RPS6KA5: variants seen among roughly 807,000 people sequenced by gnomAD.
The protein encoded by RPS6KA5 is ribosomal protein S6 kinase alpha-5.
RPS6KA5 carries 27 observed loss-of-function variants against 85.5 expected under a neutral mutation model. That is an observed-to-expected ratio of 0.32 (90% CI 0.23 to 0.44). RPS6KA5 has a LOEUF of 0.44. RPS6KA5 is among the 20% of genes least tolerant of loss of function. The probability of loss-of-function intolerance (pLI) is 1.00; values close to 1 mark genes in which losing one functional copy is unlikely to be tolerated. For missense variants in RPS6KA5, 811 were observed against 980.9 expected, an observed-to-expected ratio of 0.83 and a Z score of 2.31; for synonymous variants, 334 against 348.2, an observed-to-expected ratio of 0.96 and a Z score of 0.46.
intron 3 of RPS6KA5, among the ~76,000 whole-genome samples, chr14:90,965,498 C>G (rs2039017946): frequency 6.6e-6 from 1 of 152,136 alleles, no homozygotes; most frequent in African/African-American, 2.4e-5. Context: ...GAGCTTGTAG[C>G]AACTGGACCT....
In RPS6KA5 at chr14:90,856,234, C is replaced by T. The variant is rs928174035; in HGVS notation, c.*15840G>A. The T allele has an allele frequency of 6.6e-6, 1 of 152,148 alleles. No individual in the cohort carries two copies. Among genetic ancestry groups the T allele is most frequent in the Non-Finnish European group, 1.5e-5 (1 of 68,044 alleles). The allele number at this position is 152,148 out of a possible 1,614,324, so 9.4% of individuals were successfully genotyped here. ...TTAATCTCTAGTTAGAAAAGATTTT[C>T]CAACCATAACATAACTATGCTTCAG... On this transcript the variant is annotated 3_prime_UTR_variant, in exon 17 of 17. Transcript: ENST00000614987.
intron 3 of RPS6KA5, among the ~76,000 whole-genome samples, chr14:90,966,365 G>A (rs2039061852): frequency 6.6e-6 from 1 of 152,192 alleles, no homozygotes; most frequent in Non-Finnish European, 1.5e-5. Flanking sequence ...TAGAGGAAAG[G>A]ATAAATAAAG....
rs1251132129 is a variant in RPS6KA5 at position 90,990,453 on chromosome 14, T to C, written c.175+10635A>G. Reference sequence around the variant, plus strand: ...TGGGAATGTAAATTACATCAGCCACTGTGGAAAGCAGTTGAAATTTTTCAA... The same window carrying C: ...TGGGAATGTAAATTACATCAGCCACCGTGGAAAGCAGTTGAAATTTTTCAA... On this transcript the variant is annotated intron_variant, in intron 2 of 16. Transcript: ENST00000614987. 2.0e-5 allele frequency among the ~76,000 whole-genome samples: 3 copies of C among 152,220 alleles called. 1 individual carries two copies. The highest frequency in any genetic ancestry group is 7.2e-5 in the African/African-American group (3 of 41,454).
At chr14:90,932,858 T>C (rs1294419780) in intron 5 of RPS6KA5, among the ~76,000 whole-genome samples, 1 of 152,200 alleles carries the variant, frequency 6.6e-6, no homozygotes, top group Non-Finnish European at 1.5e-5. Flanking sequence ...GTGGTAGATA[T>C]CAGTGTATCT....
intron 1 of RPS6KA5, among the ~76,000 whole-genome samples, chr14:91,012,534 C>T (rs2041305449): frequency 6.6e-6 from 1 of 152,224 alleles, no homozygotes; most frequent in Admixed American, 6.5e-5. Flanking sequence ...TTATAATCTA[C>T]ACTCAATACT....
Position 90,923,195 on chromosome 14 carries a change from G to C in RPS6KA5, c.620C>G (p.Thr207Ser), listed in dbSNP as rs1201978063. ...TCCACAAAAGGAATATGCTCTTTCA[G>C]TCTTGAACAAACAAACAAAAAAGGG... ...GLSKEFVADE[T>S]ERAYSFCGTI... The change falls in exon 6 of 17, where the codon ACT becomes AGT. Residue 207 changes from threonine to serine, a missense_variant and splice_region_variant. This residue lies in a region of RPS6KA5 where 650 missense variants were observed against 793.4 expected (regional missense o/e 0.82). Transcript: ENST00000614987. 1.9e-6 allele frequency: 3 copies of C among 1,610,392 alleles called. No homozygotes were observed. The South Asian group carries it at 3.3e-5, about 18-fold the overall frequency.
intron 12 of RPS6KA5, among the ~76,000 whole-genome samples, chr14:90,896,213 C>T (rs2034826972): frequency 6.6e-6 from 1 of 152,168 alleles, no homozygotes; most frequent in South Asian, 2.1e-4. Flanking sequence ...TCTGCTACAA[C>T]TGTAGGCTGG....
At chr14:91,049,332 C>T (rs979193941) in intron 1 of RPS6KA5, among the ~76,000 whole-genome samples, 1 of 152,078 alleles carries the variant, frequency 6.6e-6, no homozygotes, top group Non-Finnish European at 1.5e-5. Flanking sequence ...AGAGACAAGT[C>T]GGCCGGGCGC....
At chr14:91,009,589 C>T (rs2041172467) in intron 1 of RPS6KA5, among the ~76,000 whole-genome samples, 2 of 152,082 alleles carry the variant, frequency 1.3e-5, no homozygotes, top group Admixed American at 6.6e-5. Context: ...ACTAAGACAG[C>T]CCTATATCTA....
In RPS6KA5 at chr14:90,858,669, C is replaced by T. The variant is rs908866611; in HGVS notation, c.*13405G>A. On this transcript the variant is annotated 3_prime_UTR_variant, in exon 17 of 17. Transcript: ENST00000614987. Reference sequence around the variant, plus strand: ...TCTTTTATAGGCAACAGGGAGCAAACCAATGCAGGGAGAACTTGACGAGCT... The same window carrying T: ...TCTTTTATAGGCAACAGGGAGCAAATCAATGCAGGGAGAACTTGACGAGCT... The T allele has an allele frequency of 6.6e-6, 1 of 152,018 alleles. No homozygotes were observed. Among genetic ancestry groups the T allele is most frequent in the Non-Finnish European group, 1.5e-5 (1 of 68,022 alleles). The allele number at this position is 152,018 out of a possible 1,614,324, so 9.4% of individuals were successfully genotyped here. A position where few individuals can be genotyped will look rare whatever the true frequency, so the allele number is the denominator to read the frequency against.
At chr14:90,880,117 T>C (rs539817115) in intron 14 of RPS6KA5, among the ~76,000 whole-genome samples, 1 of 152,328 alleles carries the variant, frequency 6.6e-6, no homozygotes, top group East Asian at 1.9e-4. Flanking sequence ...TAATTTTTTA[T>C]TGTGTTAAAA....
intron 5 of RPS6KA5, among the ~76,000 whole-genome samples, chr14:90,937,652 G>A (rs1258009636): frequency 1.3e-5 from 2 of 152,118 alleles, no homozygotes; most frequent in African/African-American, 4.8e-5. Context: ...GGGAGGTCTT[G>A]CAATCATGGT....
chr14:90,917,412 TTA>T (rs1215554964), intron 7 of RPS6KA5, among the ~76,000 whole-genome samples: 1 of 152,182 alleles, frequency 6.6e-6, no homozygotes, highest in Middle Eastern at 3.2e-3. Context: ...GTATATAATT[TTA>T]TGTTTTTTTA....
At chr14:90,894,213 C>T in intron 13 of RPS6KA5, 200 bp downstream of exon 13, 1 of 1,218,386 alleles carries the variant, frequency 8.2e-7, no homozygotes, top group Non-Finnish European at 1.0e-6. Context: ...GATCAGCTGG[C>T]AAAAAATAAA....
At chr14:91,031,336 TCTC>T (rs1236262782) in intron 1 of RPS6KA5, among the ~76,000 whole-genome samples, 1 of 151,940 alleles carries the variant, frequency 6.6e-6, no homozygotes, top group African/African-American at 2.4e-5. Context: ...CAAAAAAAAA[TCTC>T]CTATGCAAGC....
intron 1 of RPS6KA5, among the ~76,000 whole-genome samples, chr14:91,013,537 G>C (rs1336105544): frequency 2.7e-5 from 4 of 147,154 alleles, no homozygotes; most frequent in Non-Finnish European, 6.0e-5. Flanking sequence ...TGGCATATCT[G>C]AGAATCTGCA....
chr14:91,029,584 T>C (rs1395568005), intron 1 of RPS6KA5, among the ~76,000 whole-genome samples: 1 of 152,222 alleles, frequency 6.6e-6, no homozygotes, highest in Non-Finnish European at 1.5e-5. Context: ...GTATACATTC[T>C]CAAGCAAGTT....
At chr14:90,981,385 C>T (rs1286073) in intron 2 of RPS6KA5, among the ~76,000 whole-genome samples, 31,614 of 152,024 alleles carry the variant, frequency 0.21, 3,508 homozygotes, top group East Asian at 0.32. Flanking sequence ...ACTAGGAGGT[C>T]CCACTGATAT....
intron 2 of RPS6KA5, among the ~76,000 whole-genome samples, chr14:90,980,745 G>T (rs780187558): frequency 2.6e-4 from 39 of 152,172 alleles, no homozygotes; most frequent in Admixed American, 5.2e-4. Flanking sequence ...AATAAATAGG[G>T]AACCAGAGAT....
Sources: gnomAD v4.1 joint callset for allele counts (sites outside exome capture counted in the v4.1 genomes callset) on GRCh38, gnomAD v4.1.1 for gene constraint, gnomAD v4.1.1 regional missense constraint, MANE v1.5 for transcripts, NCBI Gene and HGNC (gene_info 2026-07-23, HGNC 2026-07-21) for gene names.